The following RYR2 variants were observed in gnomAD, a reference collection of about 807,000 sequenced individuals.
The protein encoded by RYR2 is cardiac muscle ryanodine receptor-calcium release channel.
RYR2 carries 227 observed loss-of-function variants against 601.1 expected under a neutral mutation model. The observed-to-expected ratio is 0.38, with a 90% confidence interval of 0.34 to 0.42. The LOEUF (loss-of-function observed/expected upper bound fraction) is 0.42. RYR2 is among the 10% of genes least tolerant of loss of function. The probability of loss-of-function intolerance (pLI) is 1.00; values close to 1 mark genes in which losing one functional copy is unlikely to be tolerated. For missense variants in RYR2, 4,646 were observed against 6,156.5 expected (o/e 0.75, Z 8.21); for synonymous variants, 2,223 against 2,175.1 (o/e 1.02, Z -0.61).
intron 1 of RYR2, among the ~76,000 whole-genome samples, chr1:237,173,044 T>G (rs1317789270): frequency 1.3e-5 from 2 of 152,204 alleles, no homozygotes; most frequent in Admixed American, 6.5e-5. Flanking sequence ...CTGTTAAGGT[T>G]GTTATTATTA....
At chr1:237,777,731 G>T (rs1694780123) in intron 87 of RYR2, among the ~76,000 whole-genome samples, 1 of 152,166 alleles carries the variant, frequency 6.6e-6, no homozygotes, top group Admixed American at 6.6e-5. Flanking sequence ...AGTTAGGTTT[G>T]TTAAAAGATA....
chr1:237,366,007 G>C (rs930199015), intron 5 of RYR2, among the ~76,000 whole-genome samples: 2 of 152,236 alleles, frequency 1.3e-5, no homozygotes, highest in Non-Finnish European at 1.5e-5. Flanking sequence ...ATTGGATTAA[G>C]GGGAGGGCAT....
At chr1:237,135,872 C>A (rs1558298985) in intron 1 of RYR2, among the ~76,000 whole-genome samples, 1 of 152,176 alleles carries the variant, frequency 6.6e-6, no homozygotes, top group Non-Finnish European at 1.5e-5. Context: ...AGAGAGAGGG[C>A]AGAGAAGAGG....
At chr1:237,096,155 A>G (rs571755439) in intron 1 of RYR2, among the ~76,000 whole-genome samples, 1 of 152,294 alleles carries the variant, frequency 6.6e-6, no homozygotes, top group African/African-American at 2.4e-5. Context: ...ACCGGATTGG[A>G]CAGTGTCGTC....
chr1:237,830,278 C>T, intron 102 of RYR2: 1 of 365,272 alleles, frequency 2.7e-6, no homozygotes, highest in Non-Finnish European at 5.1e-6. Context: ...TTTCAGCCAT[C>T]ATCATCATCA....
At chr1:237,799,023 A>G (rs762998010) in intron 97 of RYR2, among the ~76,000 whole-genome samples, 3 of 152,174 alleles carry the variant, frequency 2.0e-5, no homozygotes, top group Non-Finnish European at 4.4e-5. Context: ...TATTTTCTTA[A>G]TCTGTTAGCT....
chr1:237,590,927 T>C lies in RYR2; in HGVS notation c.4095T>C (p.Ala1365=), dbSNP rs376401462. ...ATCGTGTTGACAAAGACAAAGAAGC[T>C]ACTAAACCAGAGTTTAACAACCACA... ...VPDRVDKDKE[A]TKPEFNNHKD... The change falls in exon 31 of 105, where the codon GCT becomes GCC. Residue 1365 remains alanine, a synonymous_variant. Coordinates refer to ENST00000366574, the MANE Select transcript of RYR2 (RefSeq NM_001035.3). 1.2e-6 allele frequency: 2 copies of C among 1,613,820 alleles called. No homozygotes were observed. Among genetic ancestry groups the C allele is most frequent in the South Asian group, 2.2e-5 (2 of 91,070 alleles).
At chr1:237,658,540 C>T (rs1558158356) in intron 54 of RYR2, among the ~76,000 whole-genome samples, 1 of 152,088 alleles carries the variant, frequency 6.6e-6, no homozygotes, top group Non-Finnish European at 1.5e-5. Context: ...TACAGGTGCA[C>T]ACCACCATAC....
In RYR2 at chr1:237,590,980, G is replaced by C; in HGVS notation, c.4148G>C (p.Arg1383Pro). ...GATTATGCCCAGGAAAAGCCCTCTCGTCTGAAACAAAGGTTACTAATTTAT... is the reference window on the plus strand; with the variant it reads ...GATTATGCCCAGGAAAAGCCCTCTCCTCTGAAACAAAGGTTACTAATTTAT... ...HKDYAQEKPS[R>P]LKQRFLLRRT... The change falls in exon 31 of 105, where the codon CGT becomes CCT. Residue 1383 changes from arginine (R) to proline (P), a missense_variant. This residue lies in a region of RYR2 where 1,807 missense variants were observed against 2,088.1 expected (regional missense o/e 0.87). Coordinates refer to ENST00000366574, the MANE Select transcript of RYR2 (RefSeq NM_001035.3). 6.2e-7 allele frequency: 1 copy of C among 1,611,372 alleles called. No individual in the cohort carries two copies. Among genetic ancestry groups the C allele is most frequent in the East Asian group, 2.2e-5 (1 of 44,816 alleles).
At chr1:237,441,538 A>G in intron 13 of RYR2, 55 bp downstream of exon 13, 1 of 1,423,894 alleles carries the variant, frequency 7.0e-7, no homozygotes, top group Non-Finnish European at 9.3e-7. Context: ...TGAATACACA[A>G]GCACAAGTCA....
At chr1:237,686,542 A>G (rs1477033812) in intron 62 of RYR2, among the ~76,000 whole-genome samples, 5 of 152,090 alleles carry the variant, frequency 3.3e-5, no homozygotes. Flanking sequence ...AGATGGGAGG[A>G]TAGCATGGAA....
chr1:237,666,292 A>C (rs1684320496), intron 56 of RYR2, among the ~76,000 whole-genome samples: 1 of 152,244 alleles, frequency 6.6e-6, no homozygotes, highest in African/African-American at 2.4e-5. Context: ...AAATTCCGAT[A>C]GGCAATTTTC....
At chr1:237,725,455 CTTG>C (rs147650187) in intron 74 of RYR2, among the ~76,000 whole-genome samples, 3,607 of 152,146 alleles carry the variant, frequency 0.024, 45 homozygotes, top group Middle Eastern at 0.048. Flanking sequence ...ACAGGAAACA[CTTG>C]TTGATTTAAT....
chr1:237,411,514 T>A (rs985349126), intron 10 of RYR2, among the ~76,000 whole-genome samples: 1 of 152,116 alleles, frequency 6.6e-6, no homozygotes, highest in Non-Finnish European at 1.5e-5. Flanking sequence ...TAACTCCCTA[T>A]ATGGAAGGAT....
intron 10 of RYR2, among the ~76,000 whole-genome samples, chr1:237,410,398 T>G (rs1704329617): frequency 6.6e-6 from 1 of 152,180 alleles, no homozygotes; most frequent in Non-Finnish European, 1.5e-5. Flanking sequence ...CTTCAATTTA[T>G]GAAAGACCCT....
chr1:237,181,858 C>G (rs1306781651), intron 1 of RYR2, among the ~76,000 whole-genome samples: 4 of 152,104 alleles, frequency 2.6e-5, no homozygotes, highest in Non-Finnish European at 1.5e-5. Flanking sequence ...ATTCCTGTAA[C>G]AGCTGATTAG....
intron 27 of RYR2, among the ~76,000 whole-genome samples, chr1:237,557,434 A>G (rs1023155651): frequency 1.3e-5 from 2 of 152,218 alleles, no homozygotes; most frequent in African/African-American, 2.4e-5. Flanking sequence ...AGAGAATAGT[A>G]TATGTAAAGG....
intron 14 of RYR2, among the ~76,000 whole-genome samples, chr1:237,451,516 G>A (rs1178591141): frequency 6.7e-6 from 1 of 150,176 alleles, no homozygotes; most frequent in African/African-American, 2.4e-5. Context: ...AGGAGGCAGA[G>A]GTTGCAGTGA....
At chr1:237,334,440 A>AATATATATATATATAT (rs58982184) in intron 3 of RYR2, among the ~76,000 whole-genome samples, 12 of 146,050 alleles carry the variant, frequency 8.2e-5, no homozygotes, top group African/African-American at 2.7e-4. Context: ...GTTTAATTAA[A>AATATATATATATATAT]ATATATATAT....
Sources: gnomAD v4.1 joint callset for allele counts (sites outside exome capture counted in the v4.1 genomes callset) on GRCh38, gnomAD v4.1.1 for gene constraint, gnomAD v4.1.1 regional missense constraint, MANE v1.5 for transcripts, NCBI Gene and HGNC (gene_info 2026-07-23, HGNC 2026-07-21) for gene names.